Variants in ATAD3B observed in about 807,000 individuals in gnomAD.
The protein encoded by ATAD3B is ATPase family AAA domain-containing protein 3B.
ATAD3B carries 59 observed loss-of-function variants against 70.2 expected under a neutral mutation model. That is an observed-to-expected ratio of 0.84 (90% CI 0.68 to 1.04). The LOEUF (loss-of-function observed/expected upper bound fraction) is 1.04. Among genes scored for constraint, ATAD3B ranks in the 50% least tolerant of loss-of-function variants. The probability of loss-of-function intolerance (pLI) is 0.00; values close to 1 mark genes in which losing one functional copy is unlikely to be tolerated. For synonymous variants in ATAD3B, 423 were observed against 388.6 expected (o/e 1.09, Z -1.04); for missense variants, 961 against 913.4 (o/e 1.05, Z -0.67).
the ATAD3B span, among the ~76,000 whole-genome samples, chr1:1,504,656 C>G: frequency 1.5e-5 from 2 of 131,532 alleles, no homozygotes; most frequent in Non-Finnish European, 3.1e-5. Flanking sequence ...GTCTCAAAAA[C>G]AAAAAAAAAA....
downstream of ATAD3B, among the ~76,000 whole-genome samples, chr1:1,500,797 CAAAA>C (rs564482376): frequency 5.5e-5 from 8 of 144,412 alleles, no homozygotes; most frequent in Admixed American, 4.9e-4. Context: ...ACTAAAAATA[CAAAA>C]AAAAAATTAG....
At chr1:1,483,348 TC>T in intron 7 of ATAD3B, 1 of 249,342 alleles carries the variant, frequency 4.0e-6, no homozygotes, top group Non-Finnish European at 8.0e-6. Flanking sequence ...GCGCCTGGAA[TC>T]CCAGCTGCTT....
At chr1:1,473,179 G>T (rs1639421016) in intron 1 of ATAD3B, among the ~76,000 whole-genome samples, 1 of 118,392 alleles carries the variant, frequency 8.4e-6, no homozygotes, top group African/African-American at 3.4e-5. Flanking sequence ...TCGCTCTGTC[G>T]CCCAGGCTGG....
At chr1:1,475,880 C>T (rs1208122160) in intron 1 of ATAD3B, among the ~76,000 whole-genome samples, 1 of 150,870 alleles carries the variant, frequency 6.6e-6, no homozygotes, top group East Asian at 2.0e-4. Context: ...GAGCCATTTT[C>T]AGGGGAGGGA....
At chr1:1,483,347 A>T (rs1429145036) in intron 7 of ATAD3B, 2 of 254,470 alleles carry the variant, frequency 7.9e-6, no homozygotes, top group African/African-American at 4.7e-5. Flanking sequence ...TGCGCCTGGA[A>T]TCCCAGCTGC....
rs1237129752 is a variant in ATAD3B, at chr1:1,485,165, C to T, written c.900C>T (p.Pro300=). The change falls in exon 8 of 16, where the codon CCC becomes CCT. Residue 300 remains proline, a synonymous_variant. Coordinates refer to ENST00000673477, the MANE Select transcript of ATAD3B (RefSeq NM_031921.6). ...RITVLEALRH[P]IQVSRRLLSR... Reference sequence around the variant, plus strand: ...CGGTGCTGGAGGCGCTGCGGCACCCCATCCAGGTAGCGGCGCAGGCCTGGC... The same window carrying T: ...CGGTGCTGGAGGCGCTGCGGCACCCTATCCAGGTAGCGGCGCAGGCCTGGC... 3.1e-6 allele frequency: 5 copies of T among 1,610,328 alleles called. No individual in the cohort carries two copies. The highest frequency in any genetic ancestry group is 1.3e-5 in the African/African-American group (1 of 74,962).
At chr1:1,507,518 A>G in the ATAD3B span, among the ~76,000 whole-genome samples, 1 of 152,224 alleles carries the variant, frequency 6.6e-6, no homozygotes, top group Admixed American at 6.5e-5. Flanking sequence ...CGTATGAACT[A>G]TCCTTGCATT....
At chr1:1,482,333 C>T (rs1176404050) in intron 6 of ATAD3B, 30 bp downstream of exon 6, 4 of 1,546,758 alleles carry the variant, frequency 2.6e-6, no homozygotes, top group Middle Eastern at 2.1e-4. Flanking sequence ...GGGCCGGCCA[C>T]AGATGGAGCC....
At chr1:1,508,471 G>A in the ATAD3B span, among the ~76,000 whole-genome samples, 1 of 151,416 alleles carries the variant, frequency 6.6e-6, no homozygotes, top group Non-Finnish European at 1.5e-5. Flanking sequence ...TGTCCGGGAA[G>A]GGTCCCCTGC....
intron 15 of ATAD3B, among the ~76,000 whole-genome samples, chr1:1,493,691 G>A (rs541005115): frequency 9.2e-5 from 14 of 151,838 alleles, no homozygotes; most frequent in African/African-American, 3.4e-4. Context: ...AGATGAGAGG[G>A]TCATGTGGTT....
chr1:1,489,242 C>T lies in ATAD3B; in HGVS notation c.1305C>T (p.Ala435=). The T allele has an allele frequency of 6.2e-7, 1 of 1,613,628 alleles. No homozygotes were observed. Among genetic ancestry groups the T allele is most frequent in the Middle Eastern group, 1.7e-4 (1 of 6,060 alleles). ...AGGACCTCAGAGCCACACTGAACGC[C>T]TTCCTGTACCACATGGGCCAACACA... ...ISKDLRATLN[A]FLYHMGQHSN... The change falls in exon 13 of 16, where the codon GCC becomes GCT. Residue 435 remains alanine (A), a synonymous_variant. Transcript: ENST00000673477.
chr1:1,474,691 G>A (rs538714848), intron 1 of ATAD3B, among the ~76,000 whole-genome samples: 81 of 151,970 alleles, frequency 5.3e-4, no homozygotes, highest in East Asian at 1.9e-4. Flanking sequence ...TACTAGAGAC[G>A]GGGTTTCACC....
At chr1:1,477,129 C>A in intron 1 of ATAD3B, 145 bp from the exon 2 acceptor site, 1 of 1,087,090 alleles carries the variant, frequency 9.2e-7, no homozygotes, top group Non-Finnish European at 1.3e-6. Context: ...CCCACCTGAG[C>A]CTCAGAGTTG....
chr1:1,477,424 A>T (rs943849866), intron 2 of ATAD3B, 74 bp downstream of exon 2: 2 of 1,603,404 alleles, frequency 1.2e-6, no homozygotes, highest in Non-Finnish European at 1.7e-6. Context: ...TGGGGCTGCT[A>T]CTGGTGGGTA....
At chr1:1,509,400 A>G in the ATAD3B span, 1 of 1,599,142 alleles carries the variant, frequency 6.3e-7, no homozygotes, top group Non-Finnish European at 8.5e-7. Flanking sequence ...GACCCCTCCC[A>G]CCCCTGCCTT....
At chr1:1,482,012 G>T (rs896213769) in intron 5 of ATAD3B, 126 bp from the exon 6 acceptor site, 18 of 1,436,104 alleles carry the variant, frequency 1.3e-5, no homozygotes, top group African/African-American at 2.9e-5. Flanking sequence ...CCGTGGCATG[G>T]GCCTGTCTGT....
chr1:1,499,893 C>CT (rs542576090), downstream of ATAD3B, among the ~76,000 whole-genome samples: 436 of 137,934 alleles, frequency 3.2e-3, 2 homozygotes, highest in Non-Finnish European at 4.5e-3. Context: ...CGTGCCCAGC[C>CT]TTTTTTTTTT....
Position 1,485,035 on chromosome 1 carries a change from T to C in ATAD3B, c.770T>C (p.Leu257Pro), listed in dbSNP as rs559270832. Reference sequence around the variant, plus strand: ...CTGCAGGTGGCTGGGCTGACGCTGCTGGCTGTCGGGGTCTACTCAGCCAAG... The same window carrying C: ...CTGCAGGTGGCTGGGCTGACGCTGCCGGCTGTCGGGGTCTACTCAGCCAAG... ...VTATVAGLTL[L>P]AVGVYSAKNA... Residue 257 changes from leucine to proline, a missense_variant, in exon 8 of 16, where the codon CTG becomes CCG. Physicochemically the swap from Leu to Pro is moderately conservative, Grantham distance 98. Transcript: ENST00000673477. 6.2e-7 allele frequency: 1 copy of C among 1,603,702 alleles called. No homozygotes were observed. Among genetic ancestry groups the C allele is most frequent in the East Asian group, 2.2e-5 (1 of 44,518 alleles).
At chr1:1,485,208 C>T in intron 8 of ATAD3B, 37 bp downstream of exon 8, 1 of 1,605,346 alleles carries the variant, frequency 6.2e-7, no homozygotes, top group Non-Finnish European at 8.5e-7. Flanking sequence ...GAGTGCAGTT[C>T]CTGGCTGAGT....
Sources: gnomAD v4.1 joint callset for allele counts (sites outside exome capture counted in the v4.1 genomes callset) on GRCh38, gnomAD v4.1.1 for gene constraint, MANE v1.5 for transcripts, NCBI Gene and HGNC (gene_info 2026-07-23, HGNC 2026-07-21) for gene names.